Variants in EML6 observed in about 807,000 individuals in gnomAD.
EML6 encodes EMAP like 6, also known as echinoderm microtubule-associated protein-like 6.
In EML6, 154 loss-of-function variants were observed where a neutral mutation model predicts 240.1. The ratio of observed to expected loss-of-function variants is 0.64; its 90% CI spans 0.56 to 0.73. The LOEUF is 0.73. EML6 is among the 30% of genes least tolerant of loss of function. The pLI, the probability that EML6 is intolerant of heterozygous loss-of-function variation, is 0.00. For missense variants in EML6, 2,964 were observed against 2,474.6 expected (o/e 1.20, Z -4.20); for synonymous variants, 1,148 against 899.0 (o/e 1.28, Z -4.95).
chr2:54,863,351 C>G (rs1670782997), intron 12 of EML6, among the ~76,000 whole-genome samples: 1 of 152,132 alleles, frequency 6.6e-6, no homozygotes, highest in African/African-American at 2.4e-5. Context: ...AACCCTGTCC[C>G]TACAAATAAA....
At chr2:54,872,544 G>T (rs1671310449) in intron 16 of EML6, among the ~76,000 whole-genome samples, 1 of 152,042 alleles carries the variant, frequency 6.6e-6, no homozygotes, top group African/African-American at 2.4e-5. Context: ...CTCTTCTGGA[G>T]TCTCCCAAAA....
At chr2:54,860,832 T>A (rs904620621) in intron 12 of EML6, among the ~76,000 whole-genome samples, 1 of 149,980 alleles carries the variant, frequency 6.7e-6, no homozygotes, top group African/African-American at 2.5e-5. Context: ...CCAGATGGGG[T>A]TTATGCCATG....
At chr2:54,848,490 T>C (rs1438588098) in intron 9 of EML6, among the ~76,000 whole-genome samples, 1 of 149,140 alleles carries the variant, frequency 6.7e-6, no homozygotes, top group African/African-American at 2.5e-5. Context: ...GAGTACCAGA[T>C]TTCTTTTTCG....
At chr2:54,922,240 C>G (rs1393471509) in intron 26 of EML6, among the ~76,000 whole-genome samples, 1 of 152,068 alleles carries the variant, frequency 6.6e-6, no homozygotes, top group Admixed American at 6.5e-5. Context: ...TTAAAACAGG[C>G]AAATGACTTG....
At chr2:54,835,898 G>A (rs1267781584) in intron 7 of EML6, among the ~76,000 whole-genome samples, 1 of 152,140 alleles carries the variant, frequency 6.6e-6, no homozygotes, top group Non-Finnish European at 1.5e-5. Context: ...CCCTTGCAGA[G>A]AACGTCCAAA....
chr2:54,958,146 C>T lies in EML6; in HGVS notation c.4695+148C>T, dbSNP rs994962783. The T allele has an allele frequency of 9.1e-6, 6 of 660,594 alleles. No homozygotes were observed. In the Admixed American group the frequency reaches 1.2e-4, roughly 13 times the overall value. 40.9% of individuals were successfully genotyped at this position (660,594 alleles called of 1,614,324 possible). A position where few individuals can be genotyped will look rare whatever the true frequency, so the allele number is the denominator to read the frequency against. Reference sequence around the variant, plus strand: ...GCTCCTGTACTGGCTTATCTGCAACCACTGTTCCTTTTCTGTAGCACATAT... The same window carrying T: ...GCTCCTGTACTGGCTTATCTGCAACTACTGTTCCTTTTCTGTAGCACATAT... On this transcript the variant is annotated intron_variant, in intron 33 of 41. Transcript: ENST00000356458.
intron 17 of EML6, among the ~76,000 whole-genome samples, chr2:54,888,284 C>T (rs1449557300): frequency 6.6e-6 from 1 of 152,128 alleles, no homozygotes; most frequent in Non-Finnish European, 1.5e-5. Flanking sequence ...TTAATTTGGT[C>T]CCTGTTCCTT....
intron 38 of EML6, among the ~76,000 whole-genome samples, chr2:54,965,355 G>C (rs999724996): frequency 6.6e-6 from 1 of 152,194 alleles, no homozygotes; most frequent in Non-Finnish European, 1.5e-5. Flanking sequence ...GCTGAACCGG[G>C]CACTATGCTA....
At chr2:54,828,522 C>G (rs1044603311) in intron 6 of EML6, among the ~76,000 whole-genome samples, 3 of 152,208 alleles carry the variant, frequency 2.0e-5, no homozygotes, top group African/African-American at 4.8e-5. Context: ...AATTGATTCC[C>G]TATACCCTTA....
chr2:54,954,954 C>G (rs929686782), intron 32 of EML6, among the ~76,000 whole-genome samples: 1 of 152,220 alleles, frequency 6.6e-6, no homozygotes, highest in South Asian at 2.1e-4. Flanking sequence ...GTCCCATTAT[C>G]TCTGCATCTT....
At chr2:54,915,803 C>G (rs910095484) in intron 25 of EML6, among the ~76,000 whole-genome samples, 1 of 152,054 alleles carries the variant, frequency 6.6e-6, no homozygotes, top group Non-Finnish European at 1.5e-5. Flanking sequence ...GAGATCTGGG[C>G]TTTAATTTTA....
At chr2:54,789,998 A>G (rs1388508764) in intron 2 of EML6, among the ~76,000 whole-genome samples, 1 of 152,216 alleles carries the variant, frequency 6.6e-6, no homozygotes, top group Non-Finnish European at 1.5e-5. Context: ...CAATGCGTAT[A>G]TGTGTTGTAT....
chr2:54,775,040 G>A (rs1221784258), intron 2 of EML6, among the ~76,000 whole-genome samples: 2 of 152,170 alleles, frequency 1.3e-5, no homozygotes, highest in Non-Finnish European at 2.9e-5. Flanking sequence ...ATGCAGTGGG[G>A]GGACCTTCCT....
rs547719243 is a variant in EML6, at chr2:54,956,009, T to C, written c.4487-1781T>C. Among the ~76,000 whole-genome samples the C allele has an allele frequency of 1.4e-3, 175 of 128,028 alleles. 1 individual carries two copies. The highest frequency in any genetic ancestry group is 4.0e-3 in the African/African-American group (157 of 39,414). 84.0% of individuals were successfully genotyped at this position (128,028 alleles called of 152,430 possible). A position where few individuals can be genotyped will look rare whatever the true frequency, so the allele number is the denominator to read the frequency against. On this transcript the variant is annotated intron_variant, in intron 32 of 41. Transcript: ENST00000356458. ...CATTCTTCATTTATTAGAGGATTGTTTTGGGGAACGTGTGTGTGTGTGTGT... is the reference window on the plus strand; with the variant it reads ...CATTCTTCATTTATTAGAGGATTGTCTTGGGGAACGTGTGTGTGTGTGTGT...
intron 28 of EML6, among the ~76,000 whole-genome samples, chr2:54,946,296 C>T (rs766111502): frequency 1.3e-5 from 2 of 152,202 alleles, no homozygotes; most frequent in Non-Finnish European, 2.9e-5. Context: ...CCTCACCTTC[C>T]CAGATCTTGG....
chr2:54,858,262 G>A (rs1327177272), intron 11 of EML6, among the ~76,000 whole-genome samples: 1 of 152,214 alleles, frequency 6.6e-6, no homozygotes, highest in East Asian at 1.9e-4. Flanking sequence ...AAGACAGCAA[G>A]GCAGAATCTG....
intron 2 of EML6, among the ~76,000 whole-genome samples, chr2:54,767,219 C>T (rs1028301455): frequency 1.3e-5 from 2 of 152,066 alleles, no homozygotes; most frequent in African/African-American, 4.8e-5. Context: ...GCAACATAAA[C>T]ACAATTTAAC....
At chr2:54,832,125 T>C (rs1668902475) in intron 7 of EML6, among the ~76,000 whole-genome samples, 1 of 152,066 alleles carries the variant, frequency 6.6e-6, no homozygotes, top group Non-Finnish European at 1.5e-5. Context: ...TTCATTCCAG[T>C]CCTCAGTGAA....
intron 32 of EML6, 139 bp downstream of exon 32, chr2:54,954,295 C>G: frequency 2.8e-6 from 2 of 723,450 alleles, no homozygotes; most frequent in African/African-American, 1.8e-5. Flanking sequence ...AAACAGGGCA[C>G]TGGGGATCCT....
Sources: allele counts gnomAD v4.1 joint callset (sites outside exome capture counted in the v4.1 genomes callset), GRCh38; gene constraint gnomAD v4.1.1; transcripts MANE v1.5; gene names NCBI Gene and HGNC (gene_info 2026-07-23, HGNC 2026-07-21).